ADAMDEC1: variants seen among roughly 807,000 people sequenced by gnomAD.
ADAMDEC1 encodes ADAM DEC1.
ADAMDEC1 carries 62 observed loss-of-function variants against 60.4 expected under a neutral mutation model. The observed-to-expected ratio is 1.03, with a 90% confidence interval of 0.84 to 1.27. The LOEUF (loss-of-function observed/expected upper bound fraction) is 1.27. Ranked by LOEUF, ADAMDEC1 falls within the 50% of genes most tolerant of loss-of-function variation. The pLI is 0.00. For synonymous variants in ADAMDEC1, 210 were observed against 195.1 expected, an observed-to-expected ratio of 1.08 and a Z score of -0.64; for missense variants, 595 against 565.0, an observed-to-expected ratio of 1.05 and a Z score of -0.54.
At chr8:24,390,301 G>C (rs927031849) in intron 1 of ADAMDEC1, 3 of 634,260 alleles carry the variant, frequency 4.7e-6, no homozygotes, top group Non-Finnish European at 4.4e-6. Flanking sequence ...GTAGTGATTT[G>C]AGACATCATA....
At chr8:24,394,176 T>A in intron 4 of ADAMDEC1, 29 bp downstream of exon 4, 1 of 1,548,248 alleles carries the variant, frequency 6.5e-7, no homozygotes, top group Non-Finnish European at 8.9e-7. Context: ...GTGGGTCTCT[T>A]TTGAGTTTTA....
intron 1 of ADAMDEC1, among the ~76,000 whole-genome samples, chr8:24,390,492 G>A (rs780763172): frequency 5.3e-5 from 8 of 152,150 alleles, no homozygotes; most frequent in South Asian, 2.1e-4. Flanking sequence ...GGAGGCTGAC[G>A]CAGTGGATCA....
In ADAMDEC1 at chr8:24,386,696, T is replaced by C. The variant is rs146251189; in HGVS notation, c.88+2104T>C. Among the ~76,000 whole-genome samples, 403 of 152,314 alleles carry C rather than the reference T, an allele frequency of 2.6e-3. 1 individual carries two copies. Among genetic ancestry groups the C allele is most frequent in the African/African-American group, 9.1e-3 (378 of 41,578 alleles). Reference sequence around the variant, plus strand: ...TACTGTATCTATTCCATATTCTCTATGGAATCATTCCCATCAGCATATAAA... The same window carrying C: ...TACTGTATCTATTCCATATTCTCTACGGAATCATTCCCATCAGCATATAAA... On this transcript the variant is annotated intron_variant, in intron 1 of 13. Coordinates refer to ENST00000256412, the MANE Select transcript of ADAMDEC1 (RefSeq NM_014479.3).
chr8:24,388,534 T>C (rs1286362148), intron 1 of ADAMDEC1, among the ~76,000 whole-genome samples: 2 of 152,136 alleles, frequency 1.3e-5, no homozygotes, highest in Non-Finnish European at 2.9e-5. Flanking sequence ...ACCATTTCAT[T>C]TGGTGAACTC....
At chr8:24,384,648 T>A in intron 1 of ADAMDEC1, 56 bp downstream of exon 1, 1 of 1,476,328 alleles carries the variant, frequency 6.8e-7, no homozygotes, top group Non-Finnish European at 9.2e-7. Context: ...GATGAATGTT[T>A]AAAGTGCCTT....
Position 24,384,594 on chromosome 8 carries a change from T to A in ADAMDEC1, c.88+2T>A. On this transcript the variant is annotated splice_donor_variant, in intron 1 of 13. Transcript: ENST00000256412. LOFTEE classifies it high-confidence loss of function. ...TTTGGCTCATTGTTCAAACTCAAGG[T>A]ACGTACCATCACACCAGCATTTTAC... The A allele has an allele frequency of 6.2e-7, 1 of 1,607,724 alleles. No homozygotes were observed. Among genetic ancestry groups the A allele is most frequent in the Non-Finnish European group, 8.5e-7 (1 of 1,177,272 alleles).
intron 1 of ADAMDEC1, among the ~76,000 whole-genome samples, chr8:24,390,965 G>A (rs1442730421): frequency 1.3e-5 from 2 of 152,058 alleles, no homozygotes; most frequent in African/African-American, 4.8e-5. Context: ...TGCTAACGTT[G>A]GGACTAGACA....
rs1817650957 is a variant in ADAMDEC1 at position 24,397,682 on chromosome 8, GA to G, written c.630del (p.Glu211LysfsTer28). On this transcript the variant is annotated frameshift_variant and splice_region_variant, in exon 7 of 14. Coordinates refer to ENST00000256412, the MANE Select transcript of ADAMDEC1 (RefSeq NM_014479.3). LOFTEE classifies it high-confidence loss of function. ...RISRSLKSPE[K>X]EDFLRAQKYI... ...ACAATGTTCTTTTATTCTTTGTAAA[GA>G]AAGAAGACTTTCTTCGGGCACAGAA... The G allele has an allele frequency of 6.2e-7, 1 of 1,611,790 alleles. No homozygotes were observed. Among genetic ancestry groups the G allele is most frequent in the Admixed American group, 1.7e-5 (1 of 59,868 alleles).
intron 1 of ADAMDEC1, among the ~76,000 whole-genome samples, chr8:24,388,281 T>G (rs1817346958): frequency 6.6e-6 from 1 of 151,768 alleles, no homozygotes; most frequent in Admixed American, 6.6e-5. Context: ...TCCCCAGCAT[T>G]CCCTTTTGCA....
At chr8:24,389,248 C>G (rs929354983) in intron 1 of ADAMDEC1, among the ~76,000 whole-genome samples, 6 of 152,196 alleles carry the variant, frequency 3.9e-5, no homozygotes, top group African/African-American at 1.4e-4. Flanking sequence ...TCCCACATAT[C>G]TGTTCTTCCT....
chr8:24,403,140 T>TA (rs1817806224), intron 12 of ADAMDEC1, among the ~76,000 whole-genome samples: 1 of 152,110 alleles, frequency 6.6e-6, no homozygotes, highest in Non-Finnish European at 1.5e-5. Context: ...ATTCTTGAAT[T>TA]ATGTCAGTCA....
At chr8:24,403,361 G>T (rs1192467845) in intron 12 of ADAMDEC1, among the ~76,000 whole-genome samples, 1 of 146,546 alleles carries the variant, frequency 6.8e-6, no homozygotes. Context: ...TATAGTTAGG[G>T]TTTTTTTTTT....
Position 24,392,311 on chromosome 8 carries a change from T to C in ADAMDEC1, c.138T>C (p.Cys46=). The change falls in exon 2 of 14, where the codon TGT becomes TGC. Residue 46 remains cysteine (C), a synonymous_variant. Coordinates refer to ENST00000256412, the MANE Select transcript of ADAMDEC1 (RefSeq NM_014479.3). ...AATTAACGCTCCATGAAATAGTTTG[T>C]CCTAAAAAACTTCACATTTTACACA... The part of the protein sequence containing the change: ...TPELTLHEIV[C]PKKLHILHKR... The C allele has an allele frequency of 6.2e-7, 1 of 1,611,562 alleles. No homozygotes were observed. The highest frequency in any genetic ancestry group is 8.5e-7 in the Non-Finnish European group (1 of 1,178,808).
intron 13 of ADAMDEC1, among the ~76,000 whole-genome samples, chr8:24,405,040 T>C (rs535156195): frequency 1.3e-5 from 2 of 152,158 alleles, no homozygotes; most frequent in African/African-American, 4.8e-5. Flanking sequence ...ATTTATACCA[T>C]GGAAGAAAAT....
chr8:24,399,116 T>C, intron 9 of ADAMDEC1, 76 bp downstream of exon 9: 1 of 1,463,142 alleles, frequency 6.8e-7, no homozygotes, highest in Non-Finnish European at 9.2e-7. Context: ...GGATTTCCAC[T>C]CTGTAATATT....
Position 24,401,950 on chromosome 8 carries a change from G to A in ADAMDEC1, c.1178G>A (p.Arg393His), listed in dbSNP as rs143643823. Reference protein sequence around the residue: ...KFPKDFSTSCRAHFERYLLSQ... With the variant: ...KFPKDFSTSCHAHFERYLLSQ... ...CCAAAGGATTTCAGTACATCTTGCC[G>A]TGCACATTTTGAAAGATACCTTTTA... The change falls in exon 12 of 14, where the codon CGT (arginine) becomes CAT (histidine). Residue 393 changes from arginine to histidine, a missense_variant. Coordinates refer to ENST00000256412, the MANE Select transcript of ADAMDEC1 (RefSeq NM_014479.3). The A allele has an allele frequency of 2.5e-5, 40 of 1,612,338 alleles. No individual in the cohort carries two copies. The highest frequency in any genetic ancestry group is 1.7e-4 in the Middle Eastern group (1 of 6,046).
chr8:24,398,046 T>C (rs1168110439), intron 7 of ADAMDEC1, among the ~76,000 whole-genome samples: 1 of 150,164 alleles, frequency 6.7e-6, no homozygotes, highest in African/African-American at 2.4e-5. Flanking sequence ...TATCTTAATA[T>C]AAAATTAAAT....
At chr8:24,390,416 G>A (rs940357402) in intron 1 of ADAMDEC1, among the ~76,000 whole-genome samples, 1 of 152,100 alleles carries the variant, frequency 6.6e-6, no homozygotes, top group African/African-American at 2.4e-5. Context: ...CTATCATTTT[G>A]ATAGTCATTA....
chr8:24,384,602 A>T lies in ADAMDEC1; in HGVS notation c.88+10A>T. 1 of 1,599,348 alleles carries T rather than the reference A, an allele frequency of 6.3e-7. No homozygotes were observed. On this transcript the variant is annotated intron_variant, in intron 1 of 13. Transcript: ENST00000256412. ...ATTGTTCAAACTCAAGGTACGTACC[A>T]TCACACCAGCATTTTACATAAAAGT...
Sources: allele counts gnomAD v4.1 joint callset (sites outside exome capture counted in the v4.1 genomes callset), GRCh38; gene constraint gnomAD v4.1.1; transcripts MANE v1.5; gene names NCBI Gene and HGNC (gene_info 2026-07-23, HGNC 2026-07-21).